The following OTOF variants were observed in gnomAD, a reference collection of about 807,000 sequenced individuals.
OTOF encodes the protein otoferlin, also known as fer-1-like family member 2.
A neutral mutation model predicts 236.8 loss-of-function variants in OTOF; 218 were observed. That is an observed-to-expected ratio of 0.92 (90% CI 0.82 to 1.03). The LOEUF (loss-of-function observed/expected upper bound fraction) is 1.03. Ranked by LOEUF, OTOF falls within the 50% of genes least tolerant of loss-of-function variation. OTOF has a pLI of 0.00. For synonymous variants in OTOF, 1,041 were observed against 1,072.5 expected (o/e 0.97, Z 0.57); for missense variants, 2,590 against 2,694.4 (o/e 0.96, Z 0.86).
chr2:26,553,431 C>CT (rs1453977128), intron 1 of OTOF, among the ~76,000 whole-genome samples: 1 of 152,184 alleles, frequency 6.6e-6, no homozygotes, highest in East Asian at 1.9e-4. Flanking sequence ...CCTCCTGCTC[C>CT]TTTTCCCTCG....
In OTOF at chr2:26,480,202, C is replaced by T; in HGVS notation, c.1912+1G>A. 1.3e-6 allele frequency: 2 copies of T among 1,596,538 alleles called. No homozygotes were observed. Among genetic ancestry groups the T allele is most frequent in the Non-Finnish European group, 1.7e-6 (2 of 1,164,612 alleles). ...GAAGCCCCCGTGGGCCCAGCACTCA[C>T]CTATGGTGACCTCAAAGGTGATGGG... On this transcript the variant is annotated splice_donor_variant, in intron 16 of 46. Coordinates refer to ENST00000272371, the MANE Select transcript of OTOF (RefSeq NM_194248.3). LOFTEE classifies it high-confidence loss of function.
intron 1 of OTOF, among the ~76,000 whole-genome samples, chr2:26,557,559 C>T (rs763427585): frequency 1.3e-5 from 2 of 152,176 alleles, no homozygotes; most frequent in Non-Finnish European, 2.9e-5. Flanking sequence ...CCTCTCTGAG[C>T]TGTAGACACA....
chr2:26,530,604 G>A (rs1009041722), intron 2 of OTOF, among the ~76,000 whole-genome samples: 4 of 151,968 alleles, frequency 2.6e-5, no homozygotes, highest in South Asian at 2.1e-4. Context: ...TCTCCCTCCC[G>A]CATTTTCCAC....
chr2:26,503,419 C>G (rs1666169370), intron 6 of OTOF, among the ~76,000 whole-genome samples: 1 of 152,258 alleles, frequency 6.6e-6, no homozygotes, highest in Admixed American at 6.5e-5. Flanking sequence ...CGACCCCGTA[C>G]TAGTGGGACA....
At chr2:26,548,649 T>C (rs181074745) in intron 1 of OTOF, among the ~76,000 whole-genome samples, 6 of 152,388 alleles carry the variant, frequency 3.9e-5, no homozygotes, top group Non-Finnish European at 5.9e-5. Flanking sequence ...GTATTTACTG[T>C]ATCTTTTCTA....
intron 2 of OTOF, among the ~76,000 whole-genome samples, chr2:26,534,526 T>G (rs1667022362): frequency 6.6e-6 from 1 of 152,158 alleles, no homozygotes; most frequent in Non-Finnish European, 1.5e-5. Context: ...TCCTCCCCAC[T>G]CAGGTTCCTA....
At chr2:26,545,722 A>G (rs1667314637) in intron 1 of OTOF, among the ~76,000 whole-genome samples, 1 of 152,090 alleles carries the variant, frequency 6.6e-6, no homozygotes, top group Non-Finnish European at 1.5e-5. Flanking sequence ...ATTTTTGTGG[A>G]TGGTATGAGG....
intron 5 of OTOF, among the ~76,000 whole-genome samples, chr2:26,514,152 C>T (rs1375258909): frequency 6.6e-6 from 1 of 152,282 alleles, no homozygotes; most frequent in Non-Finnish European, 1.5e-5. Context: ...GAAGGTGTAG[C>T]AGCGATGCCT....
intron 1 of OTOF, among the ~76,000 whole-genome samples, chr2:26,554,708 G>A (rs368982015): frequency 2.0e-5 from 3 of 152,042 alleles, no homozygotes; most frequent in African/African-American, 4.8e-5. Flanking sequence ...AGGTGTAAAA[G>A]GGTGTGGTAT....
At chr2:26,532,041 C>T (rs1294562199) in intron 2 of OTOF, among the ~76,000 whole-genome samples, 25 of 138,732 alleles carry the variant, frequency 1.8e-4, no homozygotes, top group Admixed American at 1.6e-3. Flanking sequence ...TGCAGTGAGC[C>T]CAGATGGCAC....
rs200191563 is a variant in OTOF at position 26,480,949 on chromosome 2, G to T, written c.1640C>A (p.Thr547Lys). Residue 547 changes from threonine (T) to lysine (K), a missense_variant, in exon 15 of 47, where the codon ACG becomes AAG. By Grantham distance (78) the Thr-to-Lys change is moderately conservative. Coordinates refer to ENST00000272371, the MANE Select transcript of OTOF (RefSeq NM_194248.3). ...CAGGTCCTGATGCTCATCCAGCAGC[G>T]TGTAGTTACGTGTGGAGCCGTACAT... ...VNMYGSTRNY[T>K]LLDEHQDLNE... 11 of 1,613,046 alleles carry T rather than the reference G, an allele frequency of 6.8e-6. No individual in the cohort carries two copies. The highest frequency in any genetic ancestry group is 8.5e-6 in the Non-Finnish European group (10 of 1,180,022).
chr2:26,464,835 AG>A (rs1159910085), intron 39 of OTOF, 33 bp downstream of exon 39: 1 of 1,589,574 alleles, frequency 6.3e-7, no homozygotes. Flanking sequence ...CCCCCTGGAG[AG>A]GGGGCAGGCG....
chr2:26,504,979 A>G (rs1666211694), intron 5 of OTOF, among the ~76,000 whole-genome samples: 1 of 152,122 alleles, frequency 6.6e-6, no homozygotes, highest in South Asian at 2.1e-4. Flanking sequence ...AAGACCCCAG[A>G]TCCTTGTTCT....
intron 5 of OTOF, among the ~76,000 whole-genome samples, chr2:26,509,431 A>G (rs532324786): frequency 6.6e-6 from 1 of 152,224 alleles, no homozygotes; most frequent in Admixed American, 6.5e-5. Flanking sequence ...CTTCCTACAC[A>G]GCGCCATTTC....
Position 26,476,241 on chromosome 2 carries a change from A to T in OTOF, c.2753T>A (p.Leu918His). 1.2e-6 allele frequency: 2 copies of T among 1,608,206 alleles called. No homozygotes were observed. Among genetic ancestry groups the T allele is most frequent in the Non-Finnish European group, 1.7e-6 (2 of 1,179,806 alleles). The change falls in exon 23 of 47, where the codon CTC becomes CAC. Residue 918 changes from leucine (L) to histidine (H), a missense_variant. Physicochemically the swap from Leu to His is moderately conservative, Grantham distance 99. Transcript: ENST00000272371. ...AKVELYLWLG[L>H]SKQRKEFLCG... ...CAGGAACTCCTTGCGCTGTTTGCTG[A>T]GGCCCAGCCACAGGTACAGCTCCAC...
rs527530418 is a variant in OTOF at position 26,479,010 on chromosome 2, C to CT, written c.2214+253dup. ...CACCACACCTGTCTCCCTAGCCTTG[C>CT]TTTTAAGATTTCTGGAAAAATCAGG... is the stretch of plus-strand genomic sequence containing the variant. On this transcript the variant is annotated intron_variant, in intron 18 of 46. Coordinates refer to ENST00000272371, the MANE Select transcript of OTOF (RefSeq NM_194248.3). 1.8e-3 allele frequency among the ~76,000 whole-genome samples: 276 copies of CT among 152,334 alleles called. 4 individuals are homozygous for CT. The highest frequency in any genetic ancestry group is 5.4e-3 in the African/African-American group (225 of 41,580).
chr2:26,557,223 G>A (rs1036941923), intron 1 of OTOF, among the ~76,000 whole-genome samples: 2 of 152,176 alleles, frequency 1.3e-5, no homozygotes, highest in African/African-American at 4.8e-5. Flanking sequence ...TCCAACAGAG[G>A]TGCAGACACT....
intron 2 of OTOF, among the ~76,000 whole-genome samples, chr2:26,534,021 C>T (rs557040198): frequency 1.5e-4 from 23 of 152,230 alleles, no homozygotes; most frequent in Non-Finnish European, 2.9e-4. Context: ...TCCATCTGCC[C>T]GCTAGACTGA....
rs567005448 is a variant in OTOF, at chr2:26,477,721, A to G, written c.2243T>C (p.Met748Thr). 4.7e-5 allele frequency: 76 copies of G among 1,612,590 alleles called. 2 individuals carry two copies. The South Asian group carries it at 8.1e-4, about 17-fold the overall frequency. The change falls in exon 19 of 47, where the codon ATG (methionine) becomes ACG (threonine). Residue 748 changes from methionine (M) to threonine (T), a missense_variant. Met to Thr is a moderately conservative substitution (Grantham distance 81). Around this residue, in one of 2 missense-constraint regions of OTOF, gnomAD observed 1,379 missense variants for 1,341.6 expected, o/e 1.03. Coordinates refer to ENST00000272371, the MANE Select transcript of OTOF (RefSeq NM_194248.3). This position sits in a 1 kb window ranked among gnomAD's most constrained non-coding sequence, Gnocchi z 4.7. ...LEEGLNDIQE[M>T]IKTEKSYPER... The stretch of plus-strand genomic sequence containing the variant: ...AGGGTAGGACTTCTCCGTTTTGATC[A>G]TCTCCTGTATGTCGTTCAGGCCTTC...
Sources: gnomAD v4.1 joint callset for allele counts (sites outside exome capture counted in the v4.1 genomes callset) on GRCh38, gnomAD v4.1.1 for gene constraint, gnomAD v4.1.1 regional missense constraint, Gnocchi (gnomAD v3.1) non-coding constraint, MANE v1.5 for transcripts, NCBI Gene and HGNC (gene_info 2026-07-23, HGNC 2026-07-21) for gene names.